KCNU1: variants seen among roughly 807,000 people sequenced by gnomAD.
The protein encoded by KCNU1 is potassium channel subfamily U member 1.
KCNU1 carries 93 observed loss-of-function variants against 126.8 expected under a neutral mutation model. The observed-to-expected ratio is 0.73, with a 90% confidence interval of 0.62 to 0.87. KCNU1 has a LOEUF of 0.87. KCNU1 is among the 40% of genes least tolerant of loss of function. The pLI is 0.00. For synonymous variants in KCNU1, 523 were observed against 494.2 expected (o/e 1.06, Z -0.77); for missense variants, 1,330 against 1,367.1 (o/e 0.97, Z 0.43).
At chr8:36,795,813 G>A (rs1392716290) in intron 2 of KCNU1, 1 of 152,170 alleles carries the variant, frequency 6.6e-6, no homozygotes, top group Non-Finnish European at 1.5e-5. Flanking sequence ...CTTGGCCTTG[G>A]GCTTGGGGTA....
intron 19 of KCNU1, among the ~76,000 whole-genome samples, chr8:36,873,588 AAAG>A (rs1358705996): frequency 1.3e-5 from 2 of 152,180 alleles, no homozygotes; most frequent in Non-Finnish European, 2.9e-5. Context: ...AGGGTTAAGA[AAAG>A]GCACTTTTAA....
chr8:36,882,569 T>C (rs925091445), intron 19 of KCNU1, among the ~76,000 whole-genome samples: 2 of 152,142 alleles, frequency 1.3e-5, no homozygotes, highest in Admixed American at 6.5e-5. Flanking sequence ...CCCCATAGGC[T>C]GATACATAAA....
chr8:36,817,852 T>A, intron 10 of KCNU1, 92 bp downstream of exon 10: 1 of 649,096 alleles, frequency 1.5e-6, no homozygotes, highest in Non-Finnish European at 2.7e-6. Context: ...TCACAATATT[T>A]ATAGAAAAAG....
chr8:36,836,866 T>C lies in KCNU1; in HGVS notation c.1439T>C (p.Leu480Pro). The C allele has an allele frequency of 6.2e-7, 1 of 1,613,818 alleles. No homozygotes were observed. Among genetic ancestry groups the C allele is most frequent in the Non-Finnish European group, 8.5e-7 (1 of 1,179,796 alleles). The part of the protein sequence containing the change: ...DNIICFAELK[L>P]GFIAQGCLVP... Reference sequence around the variant, plus strand: ...ATCATCTGCTTTGCTGAATTAAAACTTGGATTTATCGCCCAAGGCTGTTTG... The same window carrying C: ...ATCATCTGCTTTGCTGAATTAAAACCTGGATTTATCGCCCAAGGCTGTTTG... The change falls in exon 14 of 27, where the codon CTT (leucine) becomes CCT (proline). Residue 480 changes from leucine to proline, a missense_variant. Transcript: ENST00000399881.
At chr8:36,825,429 A>C in intron 10 of KCNU1, among the ~76,000 whole-genome samples, 1 of 152,302 alleles carries the variant, frequency 6.6e-6, no homozygotes, top group East Asian at 1.9e-4. Flanking sequence ...ACCAACTTTA[A>C]GTTTTATGAC....
At chr8:36,812,523 A>G (rs1803762305) in intron 7 of KCNU1, among the ~76,000 whole-genome samples, 1 of 152,232 alleles carries the variant, frequency 6.6e-6, no homozygotes, top group Non-Finnish European at 1.5e-5. Flanking sequence ...GTTGATGGAC[A>G]GGTAAGGGGA....
rs144679893 is a variant in KCNU1, at chr8:36,925,430, A to T, written c.2736+2801A>T. 4.0e-3 allele frequency among the ~76,000 whole-genome samples: 610 copies of T among 152,326 alleles called. 1 individual carries two copies. The highest frequency in any genetic ancestry group is 7.0e-3 in the Non-Finnish European group (476 of 68,022). Reference sequence around the variant, plus strand: ...TAGCAGTTTTCTGCCCCAGCTCATGAATCTTTAATGTTGTACGCCACAGCA... The same window carrying T: ...TAGCAGTTTTCTGCCCCAGCTCATGTATCTTTAATGTTGTACGCCACAGCA... On this transcript the variant is annotated intron_variant, in intron 24 of 26. Transcript: ENST00000399881.
chr8:36,929,163 C>A, intron 24 of KCNU1: 1 of 549,098 alleles, frequency 1.8e-6, no homozygotes, highest in East Asian at 3.2e-5. Context: ...AGGTGGATCT[C>A]TTGAGGTCAG....
At chr8:36,901,727 T>C (rs1278655810) in intron 19 of KCNU1, among the ~76,000 whole-genome samples, 1 of 152,100 alleles carries the variant, frequency 6.6e-6, no homozygotes, top group Non-Finnish European at 1.5e-5. Context: ...CAACACGCTG[T>C]TGCTTGGGCA....
chr8:36,796,515 A>G (rs1455700737), intron 2 of KCNU1, among the ~76,000 whole-genome samples: 2 of 152,300 alleles, frequency 1.3e-5, no homozygotes, highest in East Asian at 1.9e-4. Flanking sequence ...ACTTTGAAAG[A>G]TATATTCTTA....
At chr8:36,909,752 A>G (rs1807791914) in intron 21 of KCNU1, among the ~76,000 whole-genome samples, 1 of 152,214 alleles carries the variant, frequency 6.6e-6, no homozygotes, top group African/African-American at 2.4e-5. Context: ...AAGTAACTTG[A>G]CCAAGATTGT....
rs200658501 is a variant in KCNU1 at position 36,918,870 on chromosome 8, C to T, written c.2569C>T (p.Arg857Ter). Residue 857 changes from arginine (R) to a stop codon, truncating the protein, a stop_gained, in exon 23 of 27, where the codon CGA becomes TGA. Coordinates refer to ENST00000399881, the MANE Select transcript of KCNU1 (RefSeq NM_001031836.3). LOFTEE classifies it high-confidence loss of function. ...TGGACATAATGAGAAATCAAACTGC[C>T]GAAAAGTCCCTATCCTTACTGAACT... Reference protein sequence around the residue: ...TNGHNEKSNCRKVPILTELKN... With the variant: ...TNGHNEKSNC The T allele has an allele frequency of 1.3e-4, 216 of 1,608,894 alleles. No homozygotes were observed. Among genetic ancestry groups the T allele is most frequent in the Non-Finnish European group, 1.7e-4 (204 of 1,175,590 alleles).
intron 19 of KCNU1, among the ~76,000 whole-genome samples, chr8:36,884,233 T>C (rs1806601920): frequency 6.6e-6 from 1 of 152,210 alleles, no homozygotes; most frequent in Non-Finnish European, 1.5e-5. Flanking sequence ...TATAATTTGG[T>C]CAGCTCCTGA....
intron 19 of KCNU1, among the ~76,000 whole-genome samples, chr8:36,893,463 G>C (rs1358896290): frequency 1.1e-4 from 17 of 151,960 alleles, no homozygotes; most frequent in Admixed American, 1.0e-3. Context: ...GATAAGCCCT[G>C]TGAGTGTGCA....
chr8:36,892,821 C>CATTTTGGTTTGTG (rs1243238323), intron 19 of KCNU1, among the ~76,000 whole-genome samples: 1 of 152,064 alleles, frequency 6.6e-6, no homozygotes, highest in East Asian at 1.9e-4. Flanking sequence ...TCAAGATCAG[C>CATTTTGGTTTGTG]CAGAAGAGAT....
rs375306964 is a variant in KCNU1, at chr8:36,817,499, C to CAA, written c.996-126_996-125dup. The CAA allele has an allele frequency of 4.6e-3, 1,085 of 234,228 alleles. 8 individuals carry two copies. Among genetic ancestry groups the CAA allele is most frequent in the African/African-American group, 0.014 (330 of 22,892 alleles). 14.5% of individuals were successfully genotyped at this position (234,228 alleles called of 1,614,324 possible). ...GGGCAGCAAGAGCAAAACTCCATCT[C>CAA]AAAAAAAAAAAAAAAAAAAAAAAAA... On this transcript the variant is annotated intron_variant, in intron 9 of 26. Transcript: ENST00000399881.
intron 2 of KCNU1, among the ~76,000 whole-genome samples, chr8:36,788,536 G>GT (rs1003301522): frequency 6.6e-6 from 1 of 152,154 alleles, no homozygotes; most frequent in Admixed American, 6.5e-5. Context: ...ATTATCCTCT[G>GT]TTTTTTATAA....
At chr8:36,865,190 G>A (rs1805861068) in intron 19 of KCNU1, among the ~76,000 whole-genome samples, 3 of 151,958 alleles carry the variant, frequency 2.0e-5, no homozygotes, top group Admixed American at 1.3e-4. Context: ...GTTATACTGT[G>A]GCATTACATA....
At chr8:36,858,531 T>C (rs905723362) in intron 18 of KCNU1, among the ~76,000 whole-genome samples, 25 of 152,166 alleles carry the variant, frequency 1.6e-4, no homozygotes, top group African/African-American at 5.8e-4. Flanking sequence ...TTTCATGCAG[T>C]ATATATAGGC....
Sources: allele counts gnomAD v4.1 joint callset (sites outside exome capture counted in the v4.1 genomes callset), GRCh38; gene constraint gnomAD v4.1.1; transcripts MANE v1.5; gene names NCBI Gene and HGNC (gene_info 2026-07-23, HGNC 2026-07-21).